Variants in SYK observed in about 807,000 individuals in gnomAD.
The protein encoded by SYK is spleen associated tyrosine kinase, also known as tyrosine-protein kinase SYK.
SYK carries 16 observed loss-of-function variants against 77.8 expected under a neutral mutation model. The ratio of observed to expected loss-of-function variants is 0.21; its 90% CI spans 0.14 to 0.31. SYK has a LOEUF of 0.31. SYK is among the 10% of genes least tolerant of loss of function. SYK has a pLI of 1.00. For synonymous variants in SYK, 312 were observed against 308.7 expected, an observed-to-expected ratio of 1.01 and a Z score of -0.11; for missense variants, 529 against 814.4, an observed-to-expected ratio of 0.65 and a Z score of 4.26.
Position 90,812,739 on chromosome 9 carries a change from A to ATGTG in SYK, c.-42+10847_-42+10848insGTGT, listed in dbSNP as rs1491224481. On this transcript the variant is annotated intron_variant, in intron 1 of 13. Transcript: ENST00000375754. Reference sequence around the variant, plus strand: ...GGCCAGAGTGGCTCCTCCCCATTTGATATGTGTGTGTGTGTGTGTGTGTGT... The same window carrying ATGTG: ...GGCCAGAGTGGCTCCTCCCCATTTGATGTGTATGTGTGTGTGTGTGTGTGTGTGT... Among the ~76,000 whole-genome samples, 264 of 94,092 alleles carry ATGTG rather than the reference A, an allele frequency of 2.8e-3. 1 individual carries two copies. Among genetic ancestry groups the ATGTG allele is most frequent in the Middle Eastern group, 5.3e-3 (1 of 188 alleles). 61.7% of individuals were successfully genotyped at this position (94,092 alleles called of 152,430 possible).
chr9:90,898,296 C>T lies in SYK; in HGVS notation c.*2696C>T. The stretch of plus-strand genomic sequence containing the variant: ...GTTTTCATCTGAGCGTGTCCTTCTC[C>T]CATACTCCCTATCAGCCAGCCCTGC... On this transcript the variant is annotated 3_prime_UTR_variant, in exon 14 of 14. Coordinates refer to ENST00000375754, the MANE Select transcript of SYK (RefSeq NM_003177.7). 2 of 229,720 alleles carry T rather than the reference C, an allele frequency of 8.7e-6. No homozygotes were observed. The highest frequency in any genetic ancestry group is 1.7e-5 in the Non-Finnish European group (2 of 115,870). The allele number at this position is 229,720 out of a possible 1,614,324, so 14.2% of individuals were successfully genotyped here.
At chr9:90,850,153 A>G (rs1826762465) in intron 3 of SYK, among the ~76,000 whole-genome samples, 1 of 152,208 alleles carries the variant, frequency 6.6e-6, no homozygotes, top group Admixed American at 6.5e-5. Flanking sequence ...GAATAGATAG[A>G]GTGAGAGTCA....
chr9:90,868,071 C>G (rs968331521), intron 7 of SYK, among the ~76,000 whole-genome samples: 2 of 152,018 alleles, frequency 1.3e-5, no homozygotes, highest in African/African-American at 4.8e-5. Flanking sequence ...CTAGAAACAA[C>G]AGAAATAAAA....
chr9:90,884,780 TGTGTAC>T (rs1312510575), intron 11 of SYK, among the ~76,000 whole-genome samples: 9 of 39,478 alleles, frequency 2.3e-4, no homozygotes, highest in South Asian at 1.8e-3. Context: ...CATATACACA[TGTGTAC>T]ATGCACATAT....
At chr9:90,832,294 G>A (rs1263950138) in intron 1 of SYK, among the ~76,000 whole-genome samples, 1 of 152,248 alleles carries the variant, frequency 6.6e-6, no homozygotes, top group African/African-American at 2.4e-5. Flanking sequence ...CGATGAAATG[G>A]AGAGAGGAGA....
At chr9:90,884,378 C>G (rs1188757522) in intron 11 of SYK, among the ~76,000 whole-genome samples, 1 of 142,412 alleles carries the variant, frequency 7.0e-6, no homozygotes, top group African/African-American at 2.7e-5. Context: ...TACACACATA[C>G]GTGTATATAT....
intron 13 of SYK, among the ~76,000 whole-genome samples, chr9:90,890,844 C>G (rs1359025668): frequency 6.6e-6 from 1 of 152,148 alleles, no homozygotes; most frequent in Non-Finnish European, 1.5e-5. Flanking sequence ...CGTTGCCTCA[C>G]GCCAAGGAAA....
At chr9:90,890,395 G>A (rs1168673018) in intron 13 of SYK, among the ~76,000 whole-genome samples, 4 of 152,246 alleles carry the variant, frequency 2.6e-5, no homozygotes, top group East Asian at 1.9e-4. Context: ...AGCAGTCTAC[G>A]TGATATTCAC....
At chr9:90,828,916 C>T (rs1825777328) in intron 1 of SYK, among the ~76,000 whole-genome samples, 1 of 152,136 alleles carries the variant, frequency 6.6e-6, no homozygotes, top group Non-Finnish European at 1.5e-5. Flanking sequence ...GTCAACTTGC[C>T]TCCCTGTCAC....
At position 90,877,640 on chromosome 9, in the gene SYK, A is replaced by G. The variant is rs1827992423; in HGVS notation, c.1251A>G (p.Leu417=). 6.2e-7 allele frequency: 1 copy of G among 1,614,170 alleles called. No individual in the cohort carries two copies. Among genetic ancestry groups the G allele is most frequent in the African/African-American group, 1.3e-5 (1 of 74,958 alleles). ...ATGACCCCGCTCTTAAAGATGAGTT[A>G]TTAGCAGAAGCAAATGTCATGCAGC... ...EANDPALKDE[L]LAEANVMQQL... The change falls in exon 10 of 14, where the codon TTA becomes TTG. Residue 417 remains leucine (L), a synonymous_variant. Coordinates refer to ENST00000375754, the MANE Select transcript of SYK (RefSeq NM_003177.7).
intron 1 of SYK, among the ~76,000 whole-genome samples, chr9:90,832,510 G>C (rs932147218): frequency 6.6e-6 from 1 of 152,308 alleles, no homozygotes; most frequent in East Asian, 1.9e-4. Flanking sequence ...AAAGAAGCCA[G>C]GGTGAGGCAG....
chr9:90,846,188 C>A (rs1370334557), intron 3 of SYK, among the ~76,000 whole-genome samples: 1 of 152,164 alleles, frequency 6.6e-6, no homozygotes, highest in Admixed American at 6.5e-5. Context: ...GAGATACAGG[C>A]CAACGTGGTC....
In SYK at chr9:90,896,125, G is replaced by A; in HGVS notation, c.*525G>A. ...GAAAAGCTTTCCTGACAATAAAAAT[G>A]TTTTGAGGCTTTAAAAAGAAAATCA... On this transcript the variant is annotated 3_prime_UTR_variant, in exon 14 of 14. Coordinates refer to ENST00000375754, the MANE Select transcript of SYK (RefSeq NM_003177.7). 4.4e-6 allele frequency: 1 copy of A among 228,916 alleles called. No individual in the cohort carries two copies. The highest frequency in any genetic ancestry group is 5.7e-5 in the Admixed American group (1 of 17,568). The allele number at this position is 228,916 out of a possible 1,614,324, so 14.2% of individuals were successfully genotyped here.
At chr9:90,859,108 C>T (rs895052865) in intron 3 of SYK, among the ~76,000 whole-genome samples, 2 of 152,132 alleles carry the variant, frequency 1.3e-5, no homozygotes, top group Non-Finnish European at 2.9e-5. Context: ...CATAAGAGTG[C>T]ATAACTAAAT....
chr9:90,871,231 G>A (rs546913960), intron 7 of SYK, among the ~76,000 whole-genome samples: 7 of 152,288 alleles, frequency 4.6e-5, no homozygotes, highest in African/African-American at 1.7e-4. Flanking sequence ...ATCTAGCGGT[G>A]GACTGAAGGT....
At chr9:90,802,815 TA>T (rs58269380) in intron 1 of SYK, among the ~76,000 whole-genome samples, 27 of 58,664 alleles carry the variant, frequency 4.6e-4, no homozygotes, top group Non-Finnish European at 4.8e-4. Flanking sequence ...CAGCGTGTAG[TA>T]AAAAAAAAAA....
intron 1 of SYK, among the ~76,000 whole-genome samples, chr9:90,839,046 G>A (rs1234217361): frequency 6.6e-6 from 1 of 152,236 alleles, no homozygotes; most frequent in Non-Finnish European, 1.5e-5. Flanking sequence ...TATCTGAAAA[G>A]TGGAGCTGAG....
intron 1 of SYK, among the ~76,000 whole-genome samples, chr9:90,803,935 G>A (rs1824715941): frequency 6.6e-6 from 1 of 151,630 alleles, no homozygotes; most frequent in Non-Finnish European, 1.5e-5. Flanking sequence ...TTCTCACTAA[G>A]TGGAATAAAT....
intron 3 of SYK, among the ~76,000 whole-genome samples, chr9:90,855,064 C>A (rs1826976825): frequency 6.6e-6 from 1 of 151,132 alleles, no homozygotes; most frequent in African/African-American, 2.4e-5. Flanking sequence ...TGCATATCAT[C>A]TCCTGTGGAC....
Sources: gnomAD v4.1 joint callset for allele counts (sites outside exome capture counted in the v4.1 genomes callset) on GRCh38, gnomAD v4.1.1 for gene constraint, MANE v1.5 for transcripts, NCBI Gene and HGNC (gene_info 2026-07-23, HGNC 2026-07-21) for gene names.